ARAP2: variants seen among roughly 807,000 people sequenced by gnomAD.
The protein encoded by ARAP2 is arf-GAP with Rho-GAP domain, ANK repeat and PH domain-containing protein 2.
In ARAP2, 148 loss-of-function variants were observed where a neutral mutation model predicts 194.5. The observed-to-expected ratio is 0.76, with a 90% CI of 0.67 to 0.87. The LOEUF (loss-of-function observed/expected upper bound fraction) is 0.87, where lower values mean the gene tolerates loss of function less well. Ranked by LOEUF, ARAP2 falls within the 40% of genes least tolerant of loss-of-function variation. ARAP2 has a pLI of 0.00. For missense variants in ARAP2, 2,128 were observed against 1,989.7 expected (o/e 1.07, Z -1.32); for synonymous variants, 695 against 683.5 (o/e 1.02, Z -0.26).
In ARAP2 at chr4:36,009,931, A is replaced by G. The variant is rs182431241; in HGVS notation, n.1325+2632T>C. Among the ~76,000 whole-genome samples the G allele has an allele frequency of 1.8e-3, 280 of 151,822 alleles. 1 individual carries two copies. The highest frequency in any genetic ancestry group is 6.3e-3 in the African/African-American group (262 of 41,420). On this transcript the variant is annotated intron_variant and non_coding_transcript_variant, in intron 9 of 12. Transcript: ENST00000503225. Reference sequence around the variant, plus strand: ...TCAGTGGAAAATTTCTAAATGTTCAAGGTTATTTCATACTAAATTTCTCTT... The same window carrying G: ...TCAGTGGAAAATTTCTAAATGTTCAGGGTTATTTCATACTAAATTTCTCTT...
Position 36,117,285 on chromosome 4 carries a change from T to C in ARAP2, c.3964-150A>G. The C allele has an allele frequency of 9.3e-6, 5 of 535,968 alleles. No homozygotes were observed. In the South Asian group the frequency reaches 1.1e-4, roughly 12 times the overall value. The allele number at this position is 535,968 out of a possible 1,614,324, so 33.2% of individuals were successfully genotyped here. ...AATTCCCCTGCTCACAAGCATGATG[T>C]GCCCATTTCCACATATGGTTAAGGA... is the stretch of plus-strand genomic sequence containing the variant. On this transcript the variant is annotated intron_variant, in intron 24 of 32. Transcript: ENST00000303965.
chr4:36,238,059 G>A (rs1285803493), intron 1 of ARAP2, among the ~76,000 whole-genome samples: 1 of 152,180 alleles, frequency 6.6e-6, no homozygotes, highest in Non-Finnish European at 1.5e-5. Flanking sequence ...AAAACTGGTT[G>A]TTTGGCATCT....
At chr4:36,160,667 T>C (rs1733697714) in intron 12 of ARAP2, 26 bp from the exon 13 acceptor site, 1 of 1,393,322 alleles carries the variant, frequency 7.2e-7, no homozygotes, top group African/African-American at 1.5e-5. Context: ...AAAAACCCCA[T>C]AATATATCAG....
chr4:36,158,593 C>T, intron 15 of ARAP2, 137 bp downstream of exon 15: 2 of 732,446 alleles, frequency 2.7e-6, no homozygotes, highest in Non-Finnish European at 4.4e-6. Flanking sequence ...CACCTAGAAG[C>T]ATTTATAAAT....
chr4:36,151,722 C>A (rs1731030323), intron 15 of ARAP2, among the ~76,000 whole-genome samples: 1 of 152,028 alleles, frequency 6.6e-6, no homozygotes, highest in Admixed American at 6.6e-5. Context: ...AAAGTGGTAT[C>A]ATGTCTGCAA....
In ARAP2 at chr4:36,158,798, A is replaced by T. The variant is rs1419360956; in HGVS notation, c.2684T>A (p.Leu895His). The change falls in exon 15 of 33, where the codon CTC (leucine) becomes CAC (histidine). Residue 895 changes from leucine to histidine, a missense_variant. Transcript: ENST00000303965. ...AGGAGCTTGATATAAAAAGTCACAG[A>T]GGAATGTGGACTGGGAAGACTCTTG... The part of the protein sequence containing the change: ...LSQESSQSTF[L>H]CDFLYQAPSA... The T allele has an allele frequency of 6.2e-7, 1 of 1,612,500 alleles. No individual in the cohort carries two copies. The highest frequency in any genetic ancestry group is 1.7e-5 in the Admixed American group (1 of 59,930).
intron 9 of ARAP2, among the ~76,000 whole-genome samples, chr4:36,010,275 T>C (rs1714221620): frequency 6.6e-6 from 1 of 151,628 alleles, no homozygotes; most frequent in South Asian, 2.1e-4. Flanking sequence ...TAAATAAATA[T>C]ACATCACATA....
intron 1 of ARAP2, among the ~76,000 whole-genome samples, chr4:36,238,346 A>G (rs1210741501): frequency 1.3e-5 from 2 of 152,176 alleles, no homozygotes; most frequent in East Asian, 1.9e-4. Context: ...GTAGGACCTC[A>G]TTTACTCCTC....
In ARAP2 at chr4:36,165,133, T is replaced by C. The variant is rs753279782; in HGVS notation, c.1974-20A>G. The C allele has an allele frequency of 1.9e-6, 3 of 1,612,990 alleles. No homozygotes were observed. Among genetic ancestry groups the C allele is most frequent in the South Asian group, 2.2e-5 (2 of 91,030 alleles). On this transcript the variant is annotated intron_variant, in intron 10 of 32. Transcript: ENST00000303965. The stretch of plus-strand genomic sequence containing the variant: ...GTAAAGCTGAAACAATTAACGTTTC[T>C]GTGTTATCGATCTCCCTTGTAAAGG...
intron 20 of ARAP2, among the ~76,000 whole-genome samples, chr4:36,129,017 G>A (rs943749924): frequency 6.6e-6 from 1 of 152,012 alleles, no homozygotes; most frequent in Middle Eastern, 3.4e-3. Context: ...TTTTCCAAAT[G>A]TTCTTTTTCT....
At chr4:36,042,580 T>C (rs909660170) in intron 5 of ARAP2, among the ~76,000 whole-genome samples, 1 of 152,222 alleles carries the variant, frequency 6.6e-6, no homozygotes, top group Non-Finnish European at 1.5e-5. Flanking sequence ...TAAAATACTT[T>C]ATAATGTCTT....
chr4:36,070,459 G>A (rs1437324949), intron 32 of ARAP2, among the ~76,000 whole-genome samples: 1 of 152,216 alleles, frequency 6.6e-6, no homozygotes, highest in Non-Finnish European at 1.5e-5. Context: ...CATGTCACAG[G>A]GTGCTGAGGG....
At chr4:36,025,550 A>G (rs1342798291) in intron 5 of ARAP2, among the ~76,000 whole-genome samples, 2 of 152,178 alleles carry the variant, frequency 1.3e-5, no homozygotes, top group Non-Finnish European at 2.9e-5. Flanking sequence ...TTTTTCTTTC[A>G]GAAGAGCTGA....
At chr4:36,134,954 CT>C (rs1299273252) in intron 19 of ARAP2, among the ~76,000 whole-genome samples, 2 of 151,700 alleles carry the variant, frequency 1.3e-5, no homozygotes, top group East Asian at 3.9e-4. Flanking sequence ...CTGTAGCTAT[CT>C]GAATGTTTTA....
At chr4:36,177,404 C>A (rs374419361) in intron 9 of ARAP2, among the ~76,000 whole-genome samples, 3 of 151,954 alleles carry the variant, frequency 2.0e-5, no homozygotes, top group African/African-American at 7.3e-5. Context: ...TAAACTCAAG[C>A]AAATATGTTA....
At chr4:36,190,098 T>C (rs2109903628) in intron 7 of ARAP2, among the ~76,000 whole-genome samples, 1 of 152,354 alleles carries the variant, frequency 6.6e-6, no homozygotes, top group South Asian at 2.1e-4. Context: ...CCAGTGCCTT[T>C]GCATACACTG....
chr4:36,135,103 C>A (rs1726362704), intron 19 of ARAP2, among the ~76,000 whole-genome samples: 1 of 151,646 alleles, frequency 6.6e-6, no homozygotes, highest in African/African-American at 2.4e-5. Flanking sequence ...TGCTTTAAAA[C>A]ATAAACTAAT....
At chr4:36,023,138 C>T (rs1717296871) in intron 5 of ARAP2, among the ~76,000 whole-genome samples, 1 of 152,134 alleles carries the variant, frequency 6.6e-6, no homozygotes, top group African/African-American at 2.4e-5. Flanking sequence ...ACCCCACAGA[C>T]AAGATATGAT....
rs1388946523 is a variant in ARAP2, at chr4:36,229,396, C to T, written c.91G>A (p.Gly31Ser). The T allele has an allele frequency of 6.2e-7, 1 of 1,613,944 alleles. No individual in the cohort carries two copies. The highest frequency in any genetic ancestry group is 1.7e-5 in the Admixed American group (1 of 59,998). ...GCACAGTCCTTCACAGTAGTAAAACCAGACTCATGGAAATGTAAGAGATAC... is the reference window on the plus strand; with the variant it reads ...GCACAGTCCTTCACAGTAGTAAAACTAGACTCATGGAAATGTAAGAGATAC... Reference protein sequence around the residue: ...EQYLLHFHESGFTTVKDCAAI... With the variant: ...EQYLLHFHESSFTTVKDCAAI... The change falls in exon 2 of 33, where the codon GGT becomes AGT. Residue 31 changes from glycine (G) to serine (S), a missense_variant. Gly to Ser is a moderately conservative substitution (Grantham distance 56). Transcript: ENST00000303965.
Sources: allele counts gnomAD v4.1 joint callset (sites outside exome capture counted in the v4.1 genomes callset), GRCh38; gene constraint gnomAD v4.1.1; transcripts MANE v1.5; gene names NCBI Gene and HGNC (gene_info 2026-07-23, HGNC 2026-07-21).